Variants in HEATR5B observed in about 807,000 individuals in gnomAD.
The protein encoded by HEATR5B is HEAT repeat containing 5B.
Under a neutral mutation model 224.1 loss-of-function variants are expected in HEATR5B, and 156 were observed. The ratio of observed to expected loss-of-function variants is 0.70; its 90% CI spans 0.61 to 0.80. The LOEUF (loss-of-function observed/expected upper bound fraction) is 0.80. Ranked by LOEUF, HEATR5B falls within the 30% of genes least tolerant of loss-of-function variation. HEATR5B has a pLI of 0.00. For missense variants in HEATR5B, 2,323 were observed against 2,535.5 expected (o/e 0.92, Z 1.80); for synonymous variants, 1,027 against 893.0 (o/e 1.15, Z -2.68).
intron 27 of HEATR5B, among the ~76,000 whole-genome samples, chr2:37,011,681 C>T (rs10167385): frequency 0.28 from 41,861 of 152,022 alleles, 6,339 homozygotes; most frequent in East Asian, 0.65. Flanking sequence ...GGATGACCCA[C>T]AATGTATCTA....
At chr2:37,066,067 T>C (rs1671570417) in intron 8 of HEATR5B, among the ~76,000 whole-genome samples, 157 bp from the exon 9 acceptor site, 1 of 152,226 alleles carries the variant, frequency 6.6e-6, no homozygotes. Context: ...AACTAAACAC[T>C]GAAGTGACTT....
intron 7 of HEATR5B, among the ~76,000 whole-genome samples, chr2:37,069,955 T>C (rs1279914308): frequency 4.0e-5 from 6 of 149,674 alleles, no homozygotes; most frequent in South Asian, 2.1e-4. Context: ...TGGAGTGCAG[T>C]GGCGCAATCT....
chr2:37,040,826 T>C (rs1558332100), intron 19 of HEATR5B, among the ~76,000 whole-genome samples: 2 of 147,058 alleles, frequency 1.4e-5, no homozygotes, highest in East Asian at 2.0e-4. Context: ...GATGGTTATT[T>C]AAAAAAAAAA....
intron 35 of HEATR5B, 36 bp downstream of exon 35, chr2:36,988,610 T>C (rs551068144): frequency 1.3e-6 from 2 of 1,520,218 alleles, no homozygotes; most frequent in African/African-American, 1.4e-5. Context: ...CAGATCTTCA[T>C]TCTGAACTAG....
chr2:37,073,312 T>C (rs965723700), intron 5 of HEATR5B, among the ~76,000 whole-genome samples: 1 of 152,230 alleles, frequency 6.6e-6, no homozygotes, highest in African/African-American at 2.4e-5. Flanking sequence ...TAATCAATGT[T>C]ATTCACCACA....
chr2:37,065,693 T>A (rs1439774227), intron 9 of HEATR5B, 62 bp downstream of exon 9: 1 of 1,376,094 alleles, frequency 7.3e-7, no homozygotes, highest in Admixed American at 2.0e-5. Flanking sequence ...GAATTAAATA[T>A]CAATCACACT....
chr2:37,019,460 C>G (rs1419485450), intron 26 of HEATR5B, among the ~76,000 whole-genome samples: 1 of 143,486 alleles, frequency 7.0e-6, no homozygotes, highest in Admixed American at 7.0e-5. Context: ...TCCTCTCTCT[C>G]TTTTTTTTTT....
chr2:37,033,488 A>G (rs187244248), intron 21 of HEATR5B, among the ~76,000 whole-genome samples: 70 of 152,364 alleles, frequency 4.6e-4, no homozygotes, highest in Non-Finnish European at 1.5e-5. Context: ...TAGGGGGCAG[A>G]GCACACCATA....
intron 16 of HEATR5B, among the ~76,000 whole-genome samples, chr2:37,056,052 T>A (rs2148543504): frequency 6.6e-6 from 1 of 152,340 alleles, no homozygotes; most frequent in South Asian, 2.1e-4. Flanking sequence ...TCAACAGGCT[T>A]AGCAAACTGA....
At chr2:36,998,427 G>A (rs900559003) in intron 33 of HEATR5B, among the ~76,000 whole-genome samples, 1 of 152,202 alleles carries the variant, frequency 6.6e-6, no homozygotes, top group African/African-American at 2.4e-5. Context: ...GGAAAATACA[G>A]ATTATCATGC....
chr2:37,009,303 A>G (rs1667641582), intron 27 of HEATR5B, among the ~76,000 whole-genome samples: 1 of 150,636 alleles, frequency 6.6e-6, no homozygotes, highest in African/African-American at 2.4e-5. Flanking sequence ...TACTTTGATC[A>G]GGTGCAGTGG....
chr2:37,000,202 C>A (rs187116864), intron 33 of HEATR5B, among the ~76,000 whole-genome samples: 1 of 151,834 alleles, frequency 6.6e-6, no homozygotes, highest in East Asian at 2.0e-4. Context: ...CTCAGCCTCC[C>A]AAGTAGCTGG....
At chr2:37,029,249 T>C (rs1668966856) in intron 22 of HEATR5B, among the ~76,000 whole-genome samples, 1 of 152,220 alleles carries the variant, frequency 6.6e-6, no homozygotes, top group Non-Finnish European at 1.5e-5. Flanking sequence ...TAAAAAACTA[T>C]TGTATTTGTT....
At chr2:36,983,253 G>T (rs941928857) in intron 35 of HEATR5B, among the ~76,000 whole-genome samples, 1 of 151,562 alleles carries the variant, frequency 6.6e-6, no homozygotes, top group African/African-American at 2.4e-5. Context: ...ATAGGGGTAG[G>T]CGCGGTGGGC....
At chr2:36,988,238 T>C (rs1666077220) in intron 35 of HEATR5B, among the ~76,000 whole-genome samples, 1 of 151,724 alleles carries the variant, frequency 6.6e-6, no homozygotes, top group African/African-American at 2.4e-5. Flanking sequence ...CTACATTATG[T>C]AACAGAAGCA....
chr2:37,068,264 T>C lies in HEATR5B; in HGVS notation c.1177+417A>G, dbSNP rs183228570. ...CACAGTACATCTTACAGCGGGCTAA[T>C]AACCATCTGTAATTGTTCCTCTCTA... On this transcript the variant is annotated intron_variant, in intron 8 of 35. Transcript: ENST00000233099. Among the ~76,000 whole-genome samples, 4 of 152,316 alleles carry C rather than the reference T, an allele frequency of 2.6e-5. No individual in the cohort carries two copies. The East Asian group carries it at 5.8e-4, about 22-fold the overall frequency.
chr2:37,039,798 G>A (rs1572867348), intron 20 of HEATR5B, among the ~76,000 whole-genome samples: 1 of 152,110 alleles, frequency 6.6e-6, no homozygotes, highest in African/African-American at 2.4e-5. Flanking sequence ...ACAAACATAG[G>A]CTTTAGGATC....
intron 12 of HEATR5B, among the ~76,000 whole-genome samples, chr2:37,059,638 A>T (rs1179956557): frequency 6.6e-6 from 1 of 151,208 alleles, no homozygotes; most frequent in Non-Finnish European, 1.5e-5. Context: ...TAATTTTTGT[A>T]TCTTTAGTAG....
chr2:37,019,958 C>T (rs1454685615), intron 25 of HEATR5B, 81 bp from the exon 26 acceptor site: 1 of 973,260 alleles, frequency 1.0e-6, no homozygotes, highest in Non-Finnish European at 1.6e-6. Context: ...GGCTGGAGTG[C>T]AGTGGTGCGA....
Sources: gnomAD v4.1 joint callset for allele counts (sites outside exome capture counted in the v4.1 genomes callset) on GRCh38, gnomAD v4.1.1 for gene constraint, MANE v1.5 for transcripts, NCBI Gene and HGNC (gene_info 2026-07-23, HGNC 2026-07-21) for gene names.